PEX5L: variants seen among roughly 807,000 people sequenced by gnomAD.
The protein encoded by PEX5L is peroxisomal biogenesis factor 5 like, also known as PEX5-related protein.
A neutral mutation model predicts 84.0 loss-of-function variants in PEX5L; 30 were observed. The ratio of observed to expected loss-of-function variants is 0.36; its 90% CI spans 0.27 to 0.48. The LOEUF (loss-of-function observed/expected upper bound fraction) is 0.48. PEX5L is among the 20% of genes least tolerant of loss of function. PEX5L has a pLI of 0.99. For synonymous variants in PEX5L, 270 were observed against 283.1 expected, an observed-to-expected ratio of 0.95 and a Z score of 0.46; for missense variants, 533 against 754.6, an observed-to-expected ratio of 0.71 and a Z score of 3.44.
intron 1 of PEX5L, among the ~76,000 whole-genome samples, chr3:180,009,535 T>C (rs939904000): frequency 1.3e-5 from 2 of 151,932 alleles, no homozygotes; most frequent in African/African-American, 4.8e-5. Flanking sequence ...CAGAAGTTTG[T>C]AGGAACTCAG....
At chr3:179,844,694 G>C (rs1013009170) in intron 8 of PEX5L, among the ~76,000 whole-genome samples, 1 of 152,106 alleles carries the variant, frequency 6.6e-6, no homozygotes, top group Non-Finnish European at 1.5e-5. Flanking sequence ...GCTGGGCTTG[G>C]TGGCAGGCGC....
At chr3:179,895,491 G>A (rs1758964908) in intron 3 of PEX5L, 1 of 152,068 alleles carries the variant, frequency 6.6e-6, no homozygotes, top group African/African-American at 2.4e-5. Flanking sequence ...GCATGAACTT[G>A]AGCTTCTATG....
At chr3:180,006,119 GTTC>G (rs1788866423) in intron 1 of PEX5L, among the ~76,000 whole-genome samples, 1 of 152,060 alleles carries the variant, frequency 6.6e-6, no homozygotes, top group Non-Finnish European at 1.5e-5. Context: ...TGTATTCATT[GTTC>G]TCAGGTTGTT....
chr3:179,885,008 T>G (rs1195541938), intron 4 of PEX5L, among the ~76,000 whole-genome samples: 1 of 35,498 alleles, frequency 2.8e-5, no homozygotes, highest in Non-Finnish European at 6.2e-5. Flanking sequence ...AAAACTAGAT[T>G]TCTTACGAAT....
chr3:179,951,249 T>C (rs184173189), intron 2 of PEX5L, among the ~76,000 whole-genome samples: 55 of 152,342 alleles, frequency 3.6e-4, no homozygotes, highest in African/African-American at 1.3e-3. Flanking sequence ...TTTGTCAGTT[T>C]GAGTGTGATC....
At chr3:180,009,399 T>C (rs1231795564) in intron 1 of PEX5L, among the ~76,000 whole-genome samples, 2 of 152,206 alleles carry the variant, frequency 1.3e-5, no homozygotes, top group Non-Finnish European at 2.9e-5. Context: ...TTATCACTTA[T>C]TAGATTATAT....
intron 3 of PEX5L, among the ~76,000 whole-genome samples, chr3:179,897,193 C>T (rs1451728827): frequency 6.6e-6 from 1 of 152,054 alleles, no homozygotes; most frequent in Non-Finnish European, 1.5e-5. Context: ...AAATGTCTTT[C>T]ATGAGGACTG....
At chr3:180,020,654 G>T (rs77072267) in intron 1 of PEX5L, among the ~76,000 whole-genome samples, 4,311 of 152,110 alleles carry the variant, frequency 0.028, 216 homozygotes, top group African/African-American at 0.099. Context: ...TGTTTTGCCT[G>T]TTGGCTTATA....
intron 14 of PEX5L, among the ~76,000 whole-genome samples, chr3:179,807,160 G>GT (rs1440369500): frequency 2.0e-5 from 3 of 152,138 alleles, no homozygotes; most frequent in East Asian, 1.9e-4. Flanking sequence ...GCCCAGTTGT[G>GT]TTTTTTCTTT....
In PEX5L at chr3:179,971,603, A is replaced by C. The variant is rs760275701; in HGVS notation, c.84T>G (p.Asp28Glu). The change falls in exon 2 of 15, where the codon GAT (aspartate) becomes GAG (glutamate). Residue 28 changes from aspartate (D) to glutamate (E), a missense_variant. Asp to Glu is a conservative substitution (Grantham distance 45). Around this residue, in one of 8 missense-constraint regions of PEX5L, gnomAD observed 259 missense variants for 301.7 expected, o/e 0.86. Coordinates refer to ENST00000467460, the MANE Select transcript of PEX5L (RefSeq NM_016559.3). ...GTAAGTATTCACTTACCTGCTTTTG[A>C]TCAACAATTATTTCGAGGTCTTCAT... is the stretch of plus-strand genomic sequence containing the variant. ...SSDEDLEIIV[D>E]QKQGKGSRAA... 3 of 1,607,388 alleles carry C rather than the reference A, an allele frequency of 1.9e-6. No individual in the cohort carries two copies. The East Asian group carries it at 6.7e-5, about 36-fold the overall frequency.
intron 1 of PEX5L, among the ~76,000 whole-genome samples, chr3:179,992,250 A>G (rs1439558554): frequency 2.6e-5 from 4 of 152,220 alleles, no homozygotes; most frequent in Non-Finnish European, 5.9e-5. Flanking sequence ...CAGGTATATT[A>G]TTTAATTTTG....
chr3:179,953,895 G>A (rs9832433), intron 2 of PEX5L, among the ~76,000 whole-genome samples: 108,942 of 152,090 alleles, frequency 0.72, 39,614 homozygotes, highest in East Asian at 0.89. Context: ...TGAATACAGT[G>A]AGAAAGAAAA....
intron 2 of PEX5L, among the ~76,000 whole-genome samples, chr3:179,934,930 C>A (rs1774178151): frequency 6.6e-6 from 1 of 151,750 alleles, no homozygotes; most frequent in Non-Finnish European, 1.5e-5. Flanking sequence ...TATAAATGGT[C>A]AGATGTCAAT....
chr3:179,848,570 GAA>G (rs1740575184), intron 8 of PEX5L, among the ~76,000 whole-genome samples: 1 of 126,746 alleles, frequency 7.9e-6, no homozygotes, highest in African/African-American at 3.4e-5. Context: ...AAAAAAAAAA[GAA>G]AAGAAGAATT....
chr3:179,903,693 C>G (rs957662525), intron 2 of PEX5L, among the ~76,000 whole-genome samples: 10 of 152,274 alleles, frequency 6.6e-5, no homozygotes, highest in African/African-American at 2.2e-4. Context: ...AAGTTAGTGT[C>G]GTAAGTGTCA....
intron 3 of PEX5L, among the ~76,000 whole-genome samples, chr3:179,892,685 TC>T (rs1407283063): frequency 6.6e-6 from 1 of 152,086 alleles, no homozygotes; most frequent in African/African-American, 2.4e-5. Flanking sequence ...GCCCATTTCC[TC>T]CCAGTCACAT....
At chr3:179,942,936 T>C (rs73060761) in intron 2 of PEX5L, among the ~76,000 whole-genome samples, 47,371 of 152,166 alleles carry the variant, frequency 0.31, 7,607 homozygotes, top group Non-Finnish European at 0.34. Flanking sequence ...CTGCTACTTA[T>C]GGGCTATGTG....
chr3:179,912,218 T>C (rs1765415158), intron 2 of PEX5L, among the ~76,000 whole-genome samples: 1 of 152,152 alleles, frequency 6.6e-6, no homozygotes, highest in Admixed American at 6.6e-5. Flanking sequence ...TTCAAGTTGC[T>C]TAAAAGTTTT....
intron 2 of PEX5L, among the ~76,000 whole-genome samples, chr3:179,960,973 T>G (rs1781848767): frequency 6.6e-6 from 1 of 152,202 alleles, no homozygotes; most frequent in African/African-American, 2.4e-5. Context: ...AATTAGTTAA[T>G]TATTCACAAA....
Sources: gnomAD v4.1 joint callset for allele counts (sites outside exome capture counted in the v4.1 genomes callset) on GRCh38, gnomAD v4.1.1 for gene constraint, gnomAD v4.1.1 regional missense constraint, MANE v1.5 for transcripts, NCBI Gene and HGNC (gene_info 2026-07-23, HGNC 2026-07-21) for gene names.